Variants in CMSS1 observed in about 807,000 individuals in gnomAD.
CMSS1 encodes the protein cms1 ribosomal small subunit homolog.
In CMSS1, 33 loss-of-function variants were observed where a neutral mutation model predicts 43.5. The observed-to-expected ratio is 0.76, with a 90% CI of 0.57 to 1.01. The LOEUF is 1.01. Among genes scored for constraint, CMSS1 ranks in the 50% least tolerant of loss-of-function variants. The probability of loss-of-function intolerance (pLI) is 0.00; values close to 1 mark genes in which losing one functional copy is unlikely to be tolerated. For missense variants in CMSS1, 313 were observed against 326.4 expected, an observed-to-expected ratio of 0.96 and a Z score of 0.32; for synonymous variants, 115 against 117.2, an observed-to-expected ratio of 0.98 and a Z score of 0.12.
intron 1 of CMSS1, among the ~76,000 whole-genome samples, chr3:99,867,483 G>A (rs996310437): frequency 2.0e-5 from 3 of 152,126 alleles, no homozygotes; most frequent in Admixed American, 1.3e-4. Flanking sequence ...CTAATTCACA[G>A]CTAAAAACAA....
At chr3:99,863,054 C>T (rs185612787) in intron 1 of CMSS1, among the ~76,000 whole-genome samples, 37 of 152,290 alleles carry the variant, frequency 2.4e-4, no homozygotes, top group African/African-American at 7.9e-4. Context: ...ACTTAGGCAG[C>T]GGTCCCCAAC....
chr3:100,057,336 T>C (rs2065481790), intron 1 of CMSS1, among the ~76,000 whole-genome samples: 1 of 152,192 alleles, frequency 6.6e-6, no homozygotes, highest in African/African-American at 2.4e-5. Context: ...TAGGCCAAGC[T>C]TCTTGCCCGG....
Position 99,882,979 on chromosome 3 carries a change from T to C in CMSS1, c.64+64936T>C, listed in dbSNP as rs959704557. 9.9e-5 allele frequency among the ~76,000 whole-genome samples: 15 copies of C among 152,242 alleles called. 1 individual carries two copies. The highest frequency in any genetic ancestry group is 4.4e-5 in the Non-Finnish European group (3 of 68,044). On this transcript the variant is annotated intron_variant, in intron 1 of 9. Transcript: ENST00000421999. ...TTTAATATAAATTTCTGTGTTATCA[T>C]GTAACACCATTATCTTGCATGCTTG... is the stretch of plus-strand genomic sequence containing the variant.
intron 1 of CMSS1, among the ~76,000 whole-genome samples, chr3:100,037,970 A>G (rs2065138882): frequency 7.0e-6 from 1 of 142,106 alleles, no homozygotes; most frequent in African/African-American, 2.7e-5. Flanking sequence ...GGGGGAGGGA[A>G]CAGAGTCTCA....
chr3:100,137,814 T>A (rs535047339), intron 1 of CMSS1, among the ~76,000 whole-genome samples: 7 of 152,154 alleles, frequency 4.6e-5, no homozygotes, highest in South Asian at 2.1e-4. Flanking sequence ...GGTCTGCCTG[T>A]CTCGGCCTTC....
At chr3:100,171,962 C>A in intron 7 of CMSS1, 63 bp downstream of exon 7, 1 of 1,180,752 alleles carries the variant, frequency 8.5e-7, no homozygotes, top group Non-Finnish European at 1.3e-6. Context: ...TTCCTTTCAA[C>A]CTCTTCTCCT....
At chr3:99,917,183 G>T (rs776739830) in intron 1 of CMSS1, among the ~76,000 whole-genome samples, 9 of 152,118 alleles carry the variant, frequency 5.9e-5, no homozygotes, top group Non-Finnish European at 1.2e-4. Context: ...TTCTCCTAGG[G>T]CTGTGCTGGC....
At chr3:99,914,414 G>A (rs1474904434) in intron 1 of CMSS1, among the ~76,000 whole-genome samples, 1 of 152,154 alleles carries the variant, frequency 6.6e-6, no homozygotes, top group Non-Finnish European at 1.5e-5. Context: ...TAATCTTTAA[G>A]TGTGTTTTTG....
At chr3:99,848,257 G>C (rs1156256198) in intron 1 of CMSS1, 13 of 1,608,318 alleles carry the variant, frequency 8.1e-6, no homozygotes, top group Non-Finnish European at 1.1e-5. Flanking sequence ...GTATGGACTG[G>C]ATGAGGGTGA....
chr3:100,027,522 G>A (rs1219943848), intron 1 of CMSS1, among the ~76,000 whole-genome samples: 1 of 152,108 alleles, frequency 6.6e-6, no homozygotes. Context: ...CATGATGCCT[G>A]CCCTGCTCAG....
At chr3:99,923,366 A>G (rs1707183665) in intron 1 of CMSS1, among the ~76,000 whole-genome samples, 1 of 152,160 alleles carries the variant, frequency 6.6e-6, no homozygotes, top group African/African-American at 2.4e-5. Flanking sequence ...ACCAGGACTC[A>G]TCTCCTACCT....
intron 1 of CMSS1, among the ~76,000 whole-genome samples, chr3:100,074,675 ATTTTTTTTTTTTTTTTTTTTTT>A (rs555819875): frequency 2.9e-5 from 1 of 34,782 alleles, no homozygotes; most frequent in East Asian, 1.1e-3. Context: ...GCAACATTTG[ATTTTTTTTTTTTTTTTTTTTTT>A]TTTTTTTTTT....
At chr3:100,077,319 C>G (rs969473825) in intron 1 of CMSS1, among the ~76,000 whole-genome samples, 1 of 152,164 alleles carries the variant, frequency 6.6e-6, no homozygotes, top group Non-Finnish European at 1.5e-5. Flanking sequence ...CAGGCAACAG[C>G]CAAAGTCATT....
chr3:100,125,905 A>G (rs1422410260), intron 1 of CMSS1, among the ~76,000 whole-genome samples: 2 of 152,228 alleles, frequency 1.3e-5, no homozygotes, highest in Non-Finnish European at 2.9e-5. Flanking sequence ...CAACAGAGAA[A>G]ATGGTGCTCT....
chr3:100,091,638 A>G (rs2066111974), intron 1 of CMSS1, among the ~76,000 whole-genome samples: 1 of 152,226 alleles, frequency 6.6e-6, no homozygotes, highest in African/African-American at 2.4e-5. Flanking sequence ...AATTTCCCAC[A>G]TAATCTTTTT....
intron 1 of CMSS1, among the ~76,000 whole-genome samples, chr3:99,872,606 G>A (rs1191674592): frequency 1.3e-5 from 2 of 151,782 alleles, no homozygotes; most frequent in Non-Finnish European, 2.9e-5. Flanking sequence ...CCCCAAGCTT[G>A]TTTAAAAAAA....
intron 2 of CMSS1, among the ~76,000 whole-genome samples, chr3:100,148,577 G>A (rs751622201): frequency 5.3e-5 from 8 of 152,098 alleles, no homozygotes; most frequent in African/African-American, 1.9e-4. Context: ...CTTGCCCACC[G>A]AAGTGGACAA....
At chr3:99,866,699 G>A (rs1313480951) in intron 1 of CMSS1, among the ~76,000 whole-genome samples, 1 of 152,176 alleles carries the variant, frequency 6.6e-6, no homozygotes, top group African/African-American at 2.4e-5. Flanking sequence ...ATGAGCCACA[G>A]TGAGCATCCT....
intron 1 of CMSS1, among the ~76,000 whole-genome samples, chr3:100,074,589 A>C (rs1282154697): frequency 6.7e-6 from 1 of 150,266 alleles, no homozygotes; most frequent in Non-Finnish European, 1.5e-5. Flanking sequence ...ACTAGTAAAA[A>C]CTATGCTTGA....
Sources: gnomAD v4.1 joint callset for allele counts (sites outside exome capture counted in the v4.1 genomes callset) on GRCh38, gnomAD v4.1.1 for gene constraint, MANE v1.5 for transcripts, NCBI Gene and HGNC (gene_info 2026-07-23, HGNC 2026-07-21) for gene names.